Variants in ABTB3 observed in about 807,000 individuals in gnomAD.
ABTB3 encodes ankyrin repeat- and BTB/POZ domain-containing protein 3.
the ABTB3 span, chr12:107,640,357 G>T: frequency 6.3e-7 from 1 of 1,599,082 alleles, no homozygotes; most frequent in Non-Finnish European, 8.5e-7. Flanking sequence ...TTACATTTCT[G>T]GTAGAAGGAA....
chr12:107,464,509 C>G, the ABTB3 span, among the ~76,000 whole-genome samples: 1 of 152,094 alleles, frequency 6.6e-6, no homozygotes, highest in Non-Finnish European at 1.5e-5. Context: ...TGGGGTCTCA[C>G]TATGTTGCCC....
the ABTB3 span, among the ~76,000 whole-genome samples, chr12:107,444,776 C>T: frequency 5.9e-5 from 9 of 152,238 alleles, no homozygotes; most frequent in East Asian, 1.2e-3. Flanking sequence ...GAGATTTTAT[C>T]GGCAGTGTGG....
the ABTB3 span, among the ~76,000 whole-genome samples, chr12:107,380,178 C>T: frequency 1.3e-5 from 2 of 152,256 alleles, no homozygotes; most frequent in South Asian, 2.1e-4. Context: ...CCAGTGTTTA[C>T]GAATGGGTGT....
the ABTB3 span, among the ~76,000 whole-genome samples, chr12:107,456,451 CT>C: frequency 6.6e-6 from 1 of 152,202 alleles, no homozygotes; most frequent in African/African-American, 2.4e-5. Context: ...TGTGACAGAC[CT>C]AAGTCGTGCG....
the ABTB3 span, among the ~76,000 whole-genome samples, chr12:107,387,292 C>A: frequency 3.3e-5 from 5 of 152,170 alleles, no homozygotes; most frequent in South Asian, 1.0e-3. Flanking sequence ...CAGCTGCATT[C>A]TAAATCCACT....
the ABTB3 span, among the ~76,000 whole-genome samples, chr12:107,455,586 C>T: frequency 6.6e-6 from 1 of 152,150 alleles, no homozygotes; most frequent in Admixed American, 6.5e-5. Context: ...GCATAGCAAA[C>T]CACCCCAAAA....
the ABTB3 span, among the ~76,000 whole-genome samples, chr12:107,398,451 G>A: frequency 3.9e-4 from 59 of 152,182 alleles, no homozygotes; most frequent in East Asian, 8.5e-3. Flanking sequence ...GTCTTCCAGC[G>A]GAAAGAGGAG....
the ABTB3 span, among the ~76,000 whole-genome samples, chr12:107,444,408 C>G: frequency 6.6e-6 from 1 of 152,162 alleles, no homozygotes; most frequent in Non-Finnish European, 1.5e-5. Context: ...TGTTTTAACC[C>G]TATGACCAGC....
At chr12:107,633,406 C>T in the ABTB3 span, among the ~76,000 whole-genome samples, 1 of 152,314 alleles carries the variant, frequency 6.6e-6, no homozygotes, top group East Asian at 1.9e-4. Flanking sequence ...GTTAGCAGCC[C>T]TAATGGACTA....
the ABTB3 span, among the ~76,000 whole-genome samples, chr12:107,331,130 A>G: frequency 6.6e-6 from 1 of 152,222 alleles, no homozygotes; most frequent in Non-Finnish European, 1.5e-5. Flanking sequence ...CAAGAAGCAC[A>G]CCAGACTTAA....
the ABTB3 span, among the ~76,000 whole-genome samples, chr12:107,469,943 T>TC: frequency 3.0e-5 from 1 of 32,822 alleles, no homozygotes; most frequent in Non-Finnish European, 6.0e-5. Context: ...TCTTTCTTTC[T>TC]CTTTCTTTCT....
chr12:107,615,415 T>C, the ABTB3 span, among the ~76,000 whole-genome samples: 1 of 152,226 alleles, frequency 6.6e-6, no homozygotes, highest in African/African-American at 2.4e-5. Context: ...ATGAAGTTCT[T>C]CCTGGTTGCT....
the ABTB3 span, among the ~76,000 whole-genome samples, chr12:107,629,001 A>C: frequency 6.6e-6 from 1 of 152,180 alleles, no homozygotes; most frequent in African/African-American, 2.4e-5. Flanking sequence ...CTTTCAGAAG[A>C]AAAGGAAGTA....
chr12:107,413,465 G>C, the ABTB3 span, among the ~76,000 whole-genome samples: 67 of 152,252 alleles, frequency 4.4e-4, 1 homozygote, highest in Admixed American at 3.0e-3. Flanking sequence ...ATCCAAGCAG[G>C]ACACTCTAGT....
chr12:107,476,916 A>G, the ABTB3 span, among the ~76,000 whole-genome samples: 1 of 152,146 alleles, frequency 6.6e-6, no homozygotes, highest in African/African-American at 2.4e-5. Context: ...CATGTAGCCA[A>G]TAGGATATTC....
At chr12:107,589,143 C>T in the ABTB3 span, among the ~76,000 whole-genome samples, 3 of 152,222 alleles carry the variant, frequency 2.0e-5, no homozygotes, top group South Asian at 2.1e-4. Flanking sequence ...GTGTACAAAC[C>T]ATTTAGAACA....
the ABTB3 span, among the ~76,000 whole-genome samples, chr12:107,333,898 G>A: frequency 1.3e-5 from 2 of 152,192 alleles, no homozygotes; most frequent in African/African-American, 4.8e-5. Context: ...TGATAACATG[G>A]TCAGGGTAGC....
the ABTB3 span, among the ~76,000 whole-genome samples, chr12:107,467,141 G>A: frequency 1.6e-4 from 24 of 152,236 alleles, no homozygotes; most frequent in African/African-American, 5.8e-4. Flanking sequence ...CATGTTGTTG[G>A]TATAATGAGC....
chr12:107,415,879 G>A, the ABTB3 span, among the ~76,000 whole-genome samples: 1,321 of 152,018 alleles, frequency 8.7e-3, 31 homozygotes, highest in African/African-American at 0.029. Flanking sequence ...ATGCTGCCTC[G>A]TTCTTCAGGG....
Sources: gnomAD v4.1 joint callset for allele counts (sites outside exome capture counted in the v4.1 genomes callset) on GRCh38, gnomAD v4.1.1 for gene constraint, MANE v1.5 for transcripts, NCBI Gene and HGNC (gene_info 2026-07-23, HGNC 2026-07-21) for gene names.